The following AKAP10 variants were observed in gnomAD, a reference collection of about 807,000 sequenced individuals.
AKAP10 encodes the protein A-kinase anchoring protein 10.
Under a neutral mutation model 80.8 loss-of-function variants are expected in AKAP10, and 24 were observed. The ratio of observed to expected loss-of-function variants is 0.30; its 90% CI spans 0.22 to 0.42. The LOEUF (loss-of-function observed/expected upper bound fraction) is 0.42. Among genes scored for constraint, AKAP10 ranks in the 10% least tolerant of loss-of-function variants. The probability of loss-of-function intolerance (pLI) is 1.00; values close to 1 mark genes in which losing one functional copy is unlikely to be tolerated. For synonymous variants in AKAP10, 291 were observed against 277.7 expected (o/e 1.05, Z -0.48); for missense variants, 661 against 794.9 (o/e 0.83, Z 2.03).
intron 4 of AKAP10, among the ~76,000 whole-genome samples, chr17:19,950,994 G>A (rs1344604589): frequency 3.4e-5 from 5 of 146,994 alleles, no homozygotes; most frequent in Admixed American, 1.3e-4. Context: ...GTCTCTGCCC[G>A]ACCGCCACCC....
At chr17:19,958,627 C>T in intron 3 of AKAP10, 56 bp from the exon 4 acceptor site, 5 of 1,462,084 alleles carry the variant, frequency 3.4e-6, no homozygotes, top group Non-Finnish European at 4.6e-6. Flanking sequence ...TTCAGATTGA[C>T]AGATTAGTCA....
Position 19,958,223 on chromosome 17 carries a change from A to G in AKAP10, c.668T>C (p.Ile223Thr), listed in dbSNP as rs1194775816. The change falls in exon 4 of 15, where the codon ATT becomes ACT. Residue 223 changes from isoleucine (I) to threonine (T), a missense_variant. Transcript: ENST00000225737. ...AQLFMTHSEGIDLNNRTNSTQ... is the reference protein window; with the variant it reads ...AQLFMTHSEGTDLNNRTNSTQ... Reference sequence around the variant, plus strand: ...GCTGTTAGTTCTATTATTCAGGTCAATTCCTTCTGAATGAGTCATAAACAA... The same window carrying G: ...GCTGTTAGTTCTATTATTCAGGTCAGTTCCTTCTGAATGAGTCATAAACAA... 3.7e-6 allele frequency: 6 copies of G among 1,614,088 alleles called. No homozygotes were observed. The highest frequency in any genetic ancestry group is 2.2e-5 in the East Asian group (1 of 44,892).
intron 1 of AKAP10, among the ~76,000 whole-genome samples, chr17:19,970,121 A>G (rs1196302802): frequency 2.0e-5 from 3 of 152,212 alleles, no homozygotes; most frequent in East Asian, 1.9e-4. Context: ...GCCATCTTCC[A>G]TAATTCCACT....
At position 19,958,403 on chromosome 17, in the gene AKAP10, G is replaced by A; in HGVS notation, c.488C>T (p.Ser163Leu). 6.2e-7 allele frequency: 1 copy of A among 1,614,172 alleles called. No homozygotes were observed. The change falls in exon 4 of 15, where the codon TCA becomes TTA. Residue 163 changes from serine to leucine, a missense_variant. Transcript: ENST00000225737. ...KFWLEAESFH[S>L]TTWSRIRAHS... The stretch of plus-strand genomic sequence containing the variant: ...TGCTCTTATTCGCGACCAAGTTGTT[G>A]AATGAAAACTTTCAGCCTCTAACCA...
intron 9 of AKAP10, 55 bp from the exon 10 acceptor site, chr17:19,932,033 GT>G: frequency 5.4e-6 from 8 of 1,470,524 alleles, no homozygotes; most frequent in South Asian, 1.3e-5. Context: ...AACTAAAACT[GT>G]TTTAAATAAA....
At chr17:19,917,035 C>T (rs1043273457) in intron 12 of AKAP10, among the ~76,000 whole-genome samples, 3 of 151,124 alleles carry the variant, frequency 2.0e-5, no homozygotes, top group East Asian at 1.9e-4. Context: ...AAGGCAGAGG[C>T]GAGCGGATCA....
intron 10 of AKAP10, among the ~76,000 whole-genome samples, chr17:19,925,617 T>C (rs1179489803): frequency 1.3e-5 from 2 of 150,568 alleles, no homozygotes; most frequent in Non-Finnish European, 3.0e-5. Context: ...TTGTTTAAAA[T>C]AAAAGACATA....
At chr17:19,939,494 A>G (rs1163409413) in intron 8 of AKAP10, among the ~76,000 whole-genome samples, 1 of 152,008 alleles carries the variant, frequency 6.6e-6, no homozygotes, top group Non-Finnish European at 1.5e-5. Context: ...GAACACCACC[A>G]TTGCCATCCT....
chr17:19,936,693 G>GT, intron 8 of AKAP10, among the ~76,000 whole-genome samples: 2 of 152,292 alleles, frequency 1.3e-5, no homozygotes, highest in Admixed American at 1.3e-4. Context: ...TTTAAAAGCT[G>GT]TAAGGATCAG....
At chr17:19,965,369 G>A (rs897103846) in intron 2 of AKAP10, among the ~76,000 whole-genome samples, 1 of 152,060 alleles carries the variant, frequency 6.6e-6, no homozygotes, top group Non-Finnish European at 1.5e-5. Context: ...AAAAACTTCC[G>A]GGGTCTCCAT....
At chr17:19,965,604 G>A (rs573911273) in intron 2 of AKAP10, among the ~76,000 whole-genome samples, 13 of 152,240 alleles carry the variant, frequency 8.5e-5, no homozygotes, top group African/African-American at 3.1e-4. Flanking sequence ...GGGCTGGTAG[G>A]GAGAAGAGAA....
In AKAP10 at chr17:19,946,234, ATATTATAT is replaced by A. The variant is rs1261874331; in HGVS notation, c.976+1165_976+1172del. On this transcript the variant is annotated intron_variant, in intron 5 of 14. Transcript: ENST00000225737. Reference sequence around the variant, plus strand: ...ATATATATATATTTTATATATATATATATTATATATATATATATATATATATATATATA... The same window carrying A: ...ATATATATATATTTTATATATATATAATATATATATATATATATATATATA... Among the ~76,000 whole-genome samples the A allele has an allele frequency of 6.7e-3, 116 of 17,250 alleles. 10 individuals are homozygous for A. The highest frequency in any genetic ancestry group is 0.02 in the African/African-American group (111 of 5,618). The allele number at this position is 17,250 out of a possible 152,430, so 11.3% of individuals were successfully genotyped here.
intron 3 of AKAP10, among the ~76,000 whole-genome samples, chr17:19,959,417 G>T (rs2043322438): frequency 6.6e-6 from 1 of 152,116 alleles, no homozygotes; most frequent in South Asian, 2.1e-4. Context: ...GGAACAGATA[G>T]CAAAGTCTTA....
At position 19,940,964 on chromosome 17, in the gene AKAP10, T is replaced by C; in HGVS notation, c.1108A>G (p.Ile370Val). The C allele has an allele frequency of 6.2e-7, 1 of 1,611,764 alleles. No individual in the cohort carries two copies. The highest frequency in any genetic ancestry group is 8.5e-7 in the Non-Finnish European group (1 of 1,179,416). Residue 370 changes from isoleucine (I) to valine (V), a missense_variant, in exon 7 of 15, where the codon ATT becomes GTT. Physicochemically the swap from Ile to Val is conservative, Grantham distance 29 (BLOSUM62 3). Transcript: ENST00000225737. ...ACAGTTCCACTGGTCAGCACTTCAA[T>C]CTGGTATTTACAGAAATGGTGACTT... ...LRSHHFCKYQ[I>V]EVLTSGTVYL...
chr17:19,932,988 T>A (rs1277443440), intron 9 of AKAP10, among the ~76,000 whole-genome samples: 1 of 152,126 alleles, frequency 6.6e-6, no homozygotes, highest in African/African-American at 2.4e-5. Flanking sequence ...TTGTAAATAT[T>A]TATGTTCGTA....
At position 19,946,240 on chromosome 17, in the gene AKAP10, TATATATATATATA is replaced by T. The variant is rs2043115477; in HGVS notation, c.976+1154_976+1166del. 6.2e-4 allele frequency among the ~76,000 whole-genome samples: 9 copies of T among 14,584 alleles called. No homozygotes were observed. The South Asian group carries it at 8.3e-3, about 14-fold the overall frequency. 9.6% of individuals were successfully genotyped at this position (14,584 alleles called of 152,430 possible). A position where few individuals can be genotyped will look rare whatever the true frequency, so the allele number is the denominator to read the frequency against. On this transcript the variant is annotated intron_variant, in intron 5 of 14. Coordinates refer to ENST00000225737, the MANE Select transcript of AKAP10 (RefSeq NM_007202.4). ...ATATATTTTATATATATATATATTATATATATATATATATATATATATATATATATATATATTT... is the reference window on the plus strand; with the variant it reads ...ATATATTTTATATATATATATATTATTATATATATATATATATATATATTT...
chr17:19,936,896 C>A lies in AKAP10; in HGVS notation c.1323-466G>T, dbSNP rs115622509. ...ATAACTACAAGGCATCAGGAGTAAA[C>A]ATGTACAAATTCAAAACAAAACAGC... is the stretch of plus-strand genomic sequence containing the variant. On this transcript the variant is annotated intron_variant, in intron 8 of 14. Coordinates refer to ENST00000225737, the MANE Select transcript of AKAP10 (RefSeq NM_007202.4). 5.3e-3 allele frequency among the ~76,000 whole-genome samples: 807 copies of A among 152,152 alleles called. 8 individuals carry two copies. Among genetic ancestry groups the A allele is most frequent in the African/African-American group, 0.018 (755 of 41,520 alleles).
intron 10 of AKAP10, among the ~76,000 whole-genome samples, chr17:19,927,253 C>T (rs547435953): frequency 3.0e-4 from 45 of 152,150 alleles, no homozygotes; most frequent in African/African-American, 9.6e-4. Context: ...AGGATCACTT[C>T]GGCCCAGGAA....
At chr17:19,955,360 G>T (rs1380166396) in intron 4 of AKAP10, among the ~76,000 whole-genome samples, 1 of 152,144 alleles carries the variant, frequency 6.6e-6, no homozygotes, top group Non-Finnish European at 1.5e-5. Flanking sequence ...CCTTATAGTG[G>T]TGACAGTTAC....
Sources: gnomAD v4.1 joint callset for allele counts (sites outside exome capture counted in the v4.1 genomes callset) on GRCh38, gnomAD v4.1.1 for gene constraint, MANE v1.5 for transcripts, NCBI Gene and HGNC (gene_info 2026-07-23, HGNC 2026-07-21) for gene names.